The following DECR1 variants were observed in gnomAD, a reference collection of about 807,000 sequenced individuals.
The protein encoded by DECR1 is 2,4-dienoyl-CoA reductase [(3E)-enoyl-CoA-producing], mitochondrial.
A neutral mutation model predicts 38.8 loss-of-function variants in DECR1; 44 were observed. The observed-to-expected ratio is 1.13, with a 90% CI of 0.89 to 1.46. The LOEUF (loss-of-function observed/expected upper bound fraction) is 1.46, where lower values mean the gene tolerates loss of function less well. Ranked by LOEUF, DECR1 falls within the 40% of genes most tolerant of loss-of-function variation. The pLI, the probability that DECR1 is intolerant of heterozygous loss-of-function variation, is 0.00. For synonymous variants in DECR1, 148 were observed against 135.2 expected, an observed-to-expected ratio of 1.09 and a Z score of -0.66; for missense variants, 428 against 405.5, an observed-to-expected ratio of 1.06 and a Z score of -0.48.
At chr8:90,016,440 T>C (rs1484529093) in intron 1 of DECR1, among the ~76,000 whole-genome samples, 3 of 151,970 alleles carry the variant, frequency 2.0e-5, no homozygotes, top group Non-Finnish European at 4.4e-5. Flanking sequence ...ATCGAGACCA[T>C]CCTAGCCAAC....
chr8:90,044,453 G>A (rs1813835006), intron 7 of DECR1, among the ~76,000 whole-genome samples: 1 of 152,142 alleles, frequency 6.6e-6, no homozygotes, highest in Non-Finnish European at 1.5e-5. Context: ...ACTTTGGGAT[G>A]AAAGAAAAGG....
chr8:90,009,897 C>T (rs1812841252), intron 1 of DECR1, among the ~76,000 whole-genome samples: 1 of 152,110 alleles, frequency 6.6e-6, no homozygotes. Flanking sequence ...AGACAGATAA[C>T]CACTGTAATA....
At chr8:90,048,851 G>A (rs1385637578) in intron 8 of DECR1, among the ~76,000 whole-genome samples, 1 of 152,106 alleles carries the variant, frequency 6.6e-6, no homozygotes, top group Non-Finnish European at 1.5e-5. Flanking sequence ...ACGATCAAGT[G>A]GGCCTCATCC....
intron 1 of DECR1, chr8:90,005,543 G>A (rs963469308): frequency 2.6e-5 from 11 of 424,976 alleles, no homozygotes; most frequent in African/African-American, 1.4e-4. Flanking sequence ...CGAAGTAGGC[G>A]GACTTACATA....
intron 8 of DECR1, among the ~76,000 whole-genome samples, chr8:90,047,775 T>C (rs1454077346): frequency 1.3e-5 from 2 of 152,214 alleles, no homozygotes; most frequent in Admixed American, 6.5e-5. Flanking sequence ...ATTGACCACA[T>C]AGGTGGAAGT....
chr8:90,018,167 C>T (rs1323585700), intron 2 of DECR1, among the ~76,000 whole-genome samples: 3 of 152,212 alleles, frequency 2.0e-5, no homozygotes, highest in South Asian at 2.1e-4. Flanking sequence ...GGATTACAGG[C>T]GTGAGCCACC....
chr8:90,038,624 A>T lies in DECR1; in HGVS notation c.665+1684A>T, dbSNP rs147422596. ...CAGGCATATGCCACCACACCTGGCTAATTTTGTACTTTTAGTAGAGATGGG... is the reference window on the plus strand; with the variant it reads ...CAGGCATATGCCACCACACCTGGCTTATTTTGTACTTTTAGTAGAGATGGG... On this transcript the variant is annotated intron_variant, in intron 6 of 9. Coordinates refer to ENST00000220764, the MANE Select transcript of DECR1 (RefSeq NM_001359.2). Among the ~76,000 whole-genome samples, 338 of 152,006 alleles carry T rather than the reference A, an allele frequency of 2.2e-3. 2 individuals are homozygous for T. Among genetic ancestry groups the T allele is most frequent in the African/African-American group, 7.0e-3 (292 of 41,462 alleles).
intron 5 of DECR1, among the ~76,000 whole-genome samples, chr8:90,024,216 C>T (rs1472984121): frequency 7.9e-5 from 12 of 152,146 alleles, no homozygotes; most frequent in Non-Finnish European, 1.5e-4. Flanking sequence ...GATTTATAAT[C>T]CTTTGGGTAT....
At chr8:90,020,349 G>A (rs1813121730) in intron 4 of DECR1, among the ~76,000 whole-genome samples, 1 of 152,056 alleles carries the variant, frequency 6.6e-6, no homozygotes, top group Admixed American at 6.5e-5. Context: ...TGGTAAATAT[G>A]TTTAATCTGT....
intron 5 of DECR1, among the ~76,000 whole-genome samples, chr8:90,035,357 A>G (rs1212095491): frequency 6.6e-6 from 1 of 151,346 alleles, no homozygotes; most frequent in Non-Finnish European, 1.5e-5. Context: ...TCCATAGGTC[A>G]GTGAGGTTCT....
rs1813848505 is a variant in DECR1 at position 90,044,883 on chromosome 8, T to C, written c.773T>C (p.Phe258Ser). 1 of 1,613,440 alleles carries C rather than the reference T, an allele frequency of 6.2e-7. No individual in the cohort carries two copies. The highest frequency in any genetic ancestry group is 1.1e-5 in the South Asian group (1 of 90,996). Residue 258 changes from phenylalanine (F) to serine (S), a missense_variant, in exon 8 of 10, where the codon TTT (phenylalanine) becomes TCT (serine). Physicochemically the swap from Phe to Ser is radical, Grantham distance 155. Transcript: ENST00000220764. Reference protein sequence around the residue: ...AFSRLDPTGTFEKEMIGRIPC... With the variant: ...AFSRLDPTGTSEKEMIGRIPC... ...AGCCGTCTGGACCCAACTGGAACAT[T>C]TGAGAAAGAAATGATTGGCAGAATT...
Position 90,044,919 on chromosome 8 carries a change from G to T in DECR1, c.809G>T (p.Arg270Leu). 3 of 1,613,364 alleles carry T rather than the reference G, an allele frequency of 1.9e-6. No homozygotes were observed. The highest frequency in any genetic ancestry group is 1.7e-6 in the Non-Finnish European group (2 of 1,179,562). The stretch of plus-strand genomic sequence containing the variant: ...ATGATTGGCAGAATTCCCTGTGGTC[G>T]CCTGGGGACTGTAGAAGAACTCGCA... ...KEMIGRIPCG[R>L]LGTVEELANL... Residue 270 changes from arginine (R) to leucine (L), a missense_variant, in exon 8 of 10, where the codon CGC (arginine) becomes CTC (leucine). Arg to Leu is a moderately radical substitution (Grantham distance 102). Transcript: ENST00000220764.
At chr8:90,034,331 T>A (rs1813566478) in intron 5 of DECR1, among the ~76,000 whole-genome samples, 1 of 152,174 alleles carries the variant, frequency 6.6e-6, no homozygotes, top group African/African-American at 2.4e-5. Flanking sequence ...TTTGCAAATA[T>A]TAAGTATTGT....
chr8:90,051,809 A>C (rs1814102855), intron 9 of DECR1, 29 bp from the exon 10 acceptor site: 1 of 1,613,342 alleles, frequency 6.2e-7, no homozygotes, highest in East Asian at 2.2e-5. Context: ...TGTAAAAAGG[A>C]CATTAAATTG....
At chr8:90,006,729 T>G (rs1812750695) in intron 1 of DECR1, among the ~76,000 whole-genome samples, 1 of 152,100 alleles carries the variant, frequency 6.6e-6, no homozygotes. Flanking sequence ...TGAGCAGAAA[T>G]ACGATATCAT....
At chr8:90,014,677 A>C (rs946536946) in intron 1 of DECR1, among the ~76,000 whole-genome samples, 1 of 152,168 alleles carries the variant, frequency 6.6e-6, no homozygotes, top group Admixed American at 6.5e-5. Flanking sequence ...TTGTATGCAA[A>C]TATCTTGTTT....
rs529391977 is a variant in DECR1, at chr8:90,011,886, T to C, written c.70-5238T>C. 2.0e-5 allele frequency among the ~76,000 whole-genome samples: 3 copies of C among 152,304 alleles called. No individual in the cohort carries two copies. The South Asian group carries it at 6.2e-4, about 32-fold the overall frequency. ...AAAAAATGTTGCCAGATTGGCCTCC[T>C]AAGAAGTTGCCAGAATTCTTATCAA... On this transcript the variant is annotated intron_variant, in intron 1 of 9. Coordinates refer to ENST00000220764, the MANE Select transcript of DECR1 (RefSeq NM_001359.2).
chr8:90,051,300 A>G (rs1011776767), intron 8 of DECR1, among the ~76,000 whole-genome samples: 1 of 152,054 alleles, frequency 6.6e-6, no homozygotes, highest in African/African-American at 2.4e-5. Flanking sequence ...GGCAATAGAG[A>G]TAAAGAGAGG....
At chr8:90,047,331 G>A (rs1337832223) in intron 8 of DECR1, among the ~76,000 whole-genome samples, 1 of 152,054 alleles carries the variant, frequency 6.6e-6, no homozygotes, top group Non-Finnish European at 1.5e-5. Context: ...TAAAGGCATG[G>A]AGGAAACCCT....
Sources: gnomAD v4.1 joint callset for allele counts (sites outside exome capture counted in the v4.1 genomes callset) on GRCh38, gnomAD v4.1.1 for gene constraint, MANE v1.5 for transcripts, NCBI Gene and HGNC (gene_info 2026-07-23, HGNC 2026-07-21) for gene names.